DAB1: variants seen among roughly 807,000 people sequenced by gnomAD.
DAB1 encodes DAB adaptor protein 1.
Under a neutral mutation model 64.6 loss-of-function variants are expected in DAB1, and 15 were observed. The ratio of observed to expected loss-of-function variants is 0.23; its 90% CI spans 0.16 to 0.36. DAB1 has a LOEUF of 0.36. DAB1 is among the 10% of genes least tolerant of loss of function. The probability of loss-of-function intolerance (pLI) is 1.00; values close to 1 mark genes in which losing one functional copy is unlikely to be tolerated. For missense variants in DAB1, 596 were observed against 706.7 expected (o/e 0.84, Z 1.78); for synonymous variants, 235 against 251.9 (o/e 0.93, Z 0.64).
chr1:57,108,620 T>TA (rs1354632839), intron 4 of DAB1, among the ~76,000 whole-genome samples: 1 of 152,170 alleles, frequency 6.6e-6, no homozygotes, highest in African/African-American at 2.4e-5. Context: ...TCTCAATGTT[T>TA]AGCCCAGTAC....
At chr1:57,053,951 T>C (rs1300861165) in intron 9 of DAB1, among the ~76,000 whole-genome samples, 1 of 151,944 alleles carries the variant, frequency 6.6e-6, no homozygotes, top group Non-Finnish European at 1.5e-5. Context: ...CTTCCCAAAG[T>C]GTTGGGATTA....
chr1:57,772,037 A>G (rs575637426), intron 6 of DAB1, among the ~76,000 whole-genome samples: 2 of 152,272 alleles, frequency 1.3e-5, no homozygotes, highest in African/African-American at 4.8e-5. Context: ...AAAAGACTGC[A>G]TTGGAAACTT....
At chr1:58,017,266 G>C (rs1442356245) in intron 5 of DAB1, among the ~76,000 whole-genome samples, 2 of 151,822 alleles carry the variant, frequency 1.3e-5, no homozygotes, top group African/African-American at 4.8e-5. Flanking sequence ...TCAGCACAAG[G>C]GCTATGCGAT....
At chr1:58,358,224 T>G (rs1240379629) in intron 3 of DAB1, among the ~76,000 whole-genome samples, 1 of 152,166 alleles carries the variant, frequency 6.6e-6, no homozygotes, top group Non-Finnish European at 1.5e-5. Flanking sequence ...AGCTTGACCT[T>G]GGGGATGAGA....
intron 2 of DAB1, among the ~76,000 whole-genome samples, chr1:57,157,174 CATA>C (rs1660303834): frequency 6.6e-6 from 1 of 152,120 alleles, no homozygotes; most frequent in Non-Finnish European, 1.5e-5. Flanking sequence ...TCCCACTCAT[CATA>C]GATTATAATA....
upstream of DAB1, among the ~76,000 whole-genome samples, chr1:57,426,874 A>ATATATTTTTTT (rs57970737): frequency 6.7e-5 from 10 of 149,184 alleles, no homozygotes; most frequent in African/African-American, 2.5e-4. Flanking sequence ...ATATATATAT[A>ATATATTTTTTT]TTTTTTTGAG....
At chr1:57,439,380 A>G (rs1401638658) in intron 7 of DAB1, among the ~76,000 whole-genome samples, 1 of 141,562 alleles carries the variant, frequency 7.1e-6, no homozygotes, top group African/African-American at 2.7e-5. Context: ...AGTTTTTCTT[A>G]CTCTCTACCA....
intron 5 of DAB1, among the ~76,000 whole-genome samples, chr1:58,020,620 A>T (rs1034147105): frequency 1.3e-5 from 2 of 152,212 alleles, no homozygotes; most frequent in Admixed American, 6.5e-5. Flanking sequence ...CTGTAAAAAA[A>T]AGTCTTCCTC....
At chr1:58,463,199 G>C (rs1182466432) in intron 3 of DAB1, among the ~76,000 whole-genome samples, 1 of 152,214 alleles carries the variant, frequency 6.6e-6, no homozygotes, top group Non-Finnish European at 1.5e-5. Flanking sequence ...GAAGTGAAAA[G>C]AGAGAGATTT....
chr1:57,535,365 A>G (rs370139737), intron 7 of DAB1, among the ~76,000 whole-genome samples: 1 of 152,152 alleles, frequency 6.6e-6, no homozygotes, highest in South Asian at 2.1e-4. Flanking sequence ...TCATGAACTA[A>G]TGAATGATTT....
At chr1:57,311,442 G>A (rs201785628) in intron 1 of DAB1, among the ~76,000 whole-genome samples, 1 of 150,030 alleles carries the variant, frequency 6.7e-6, no homozygotes, top group Non-Finnish European at 1.5e-5. Flanking sequence ...AAAATGAAAA[G>A]AAAAAAAAAA....
chr1:57,610,377 C>T (rs568595739), intron 7 of DAB1, among the ~76,000 whole-genome samples: 1 of 152,260 alleles, frequency 6.6e-6, no homozygotes, highest in Non-Finnish European at 1.5e-5. Flanking sequence ...ATTTTAAGCC[C>T]ATGAGAAAGG....
Position 57,569,611 on chromosome 1 carries a change from G to C in DAB1, n.625+79981C>G, listed in dbSNP as rs941719405. 3.9e-5 allele frequency among the ~76,000 whole-genome samples: 6 copies of C among 152,004 alleles called. No homozygotes were observed. The East Asian group carries it at 9.7e-4, about 25-fold the overall frequency. On this transcript the variant is annotated intron_variant and non_coding_transcript_variant, in intron 7 of 20. Transcript: ENST00000485760. ...GGGGCCTGTTGTGTGGTGGGGGTAGGGGGGAGGGATAGCATTAGGAGATAA... is the reference window on the plus strand; with the variant it reads ...GGGGCCTGTTGTGTGGTGGGGGTAGCGGGGAGGGATAGCATTAGGAGATAA...
Position 57,812,995 on chromosome 1 carries a change from A to G in DAB1, n.551+71004T>C, listed in dbSNP as rs145276810. ...AACTCAATCTTCAAGCTAGTCTTTT[A>G]AAGGATCATATCACACATTATATGT... is the stretch of plus-strand genomic sequence containing the variant. On this transcript the variant is annotated intron_variant and non_coding_transcript_variant, in intron 6 of 20. Transcript: ENST00000485760. Among the ~76,000 whole-genome samples, 218 of 152,346 alleles carry G rather than the reference A, an allele frequency of 1.4e-3. 4 individuals are homozygous for G. In the South Asian group the frequency reaches 0.035, roughly 25 times the overall value.
chr1:57,930,540 T>C (rs892057079), intron 5 of DAB1, among the ~76,000 whole-genome samples: 1 of 152,226 alleles, frequency 6.6e-6, no homozygotes, highest in Non-Finnish European at 1.5e-5. Context: ...TTATTTACTC[T>C]TTGATTTCTT....
rs555992732 is a variant in DAB1 at position 58,380,065 on chromosome 1, A to C, written n.258-36662T>G. Among the ~76,000 whole-genome samples the C allele has an allele frequency of 1.8e-4, 27 of 152,328 alleles. No individual in the cohort carries two copies. In the South Asian group the frequency reaches 2.1e-3, roughly 12 times the overall value. On this transcript the variant is annotated intron_variant and non_coding_transcript_variant, in intron 3 of 20. Coordinates refer to the DAB1 transcript ENST00000485760. ...CTTTCTCTTCCTCAGCTAGCTAAGA[A>C]GTGGCAACAACTATAGCATCCTTGG...
rs77514835 is a variant in DAB1, at chr1:57,948,774, G to A, written n.388-64612C>T. On this transcript the variant is annotated intron_variant and non_coding_transcript_variant, in intron 5 of 20. Coordinates refer to the DAB1 transcript ENST00000485760. ...AGAACAATGTAAATCTGAAGTTACC[G>A]GGGAAGCCACCACTATTCAGATTGA... is the stretch of plus-strand genomic sequence containing the variant. Among the ~76,000 whole-genome samples the A allele has an allele frequency of 3.3e-3, 497 of 152,224 alleles. 2 individuals are homozygous for A. The highest frequency in any genetic ancestry group is 0.012 in the African/African-American group (482 of 41,538).
At chr1:57,747,361 GT>G (rs2101798911) in intron 6 of DAB1, among the ~76,000 whole-genome samples, 1 of 152,160 alleles carries the variant, frequency 6.6e-6, no homozygotes, top group African/African-American at 2.4e-5. Context: ...TACCTGAGGG[GT>G]ACTTAGGACA....
At chr1:58,149,529 T>C (rs1011024528) in intron 5 of DAB1, among the ~76,000 whole-genome samples, 4 of 152,060 alleles carry the variant, frequency 2.6e-5, no homozygotes, top group Admixed American at 1.3e-4. Context: ...CTAAACCGGG[T>C]TCATACAGGG....
Sources: gnomAD v4.1 joint callset for allele counts (sites outside exome capture counted in the v4.1 genomes callset) on GRCh38, gnomAD v4.1.1 for gene constraint, MANE v1.5 for transcripts, NCBI Gene and HGNC (gene_info 2026-07-23, HGNC 2026-07-21) for gene names.